CNBD1: variants seen among roughly 807,000 people sequenced by gnomAD.
CNBD1 encodes the protein cyclic nucleotide binding domain containing 1.
A neutral mutation model predicts 54.4 loss-of-function variants in CNBD1; 71 were observed. The ratio of observed to expected loss-of-function variants is 1.30; its 90% CI spans 1.08 to 1.59. The LOEUF (loss-of-function observed/expected upper bound fraction) is 1.59, where lower values mean the gene tolerates loss of function less well. Among genes scored for constraint, CNBD1 ranks in the 40% most tolerant of loss-of-function variants. CNBD1 has a pLI of 0.00. For missense variants in CNBD1, 659 were observed against 518.0 expected (o/e 1.27, Z -2.64); for synonymous variants, 182 against 170.7 (o/e 1.07, Z -0.51).
chr8:87,311,758 T>C (rs1809270825), intron 8 of CNBD1, among the ~76,000 whole-genome samples: 1 of 152,146 alleles, frequency 6.6e-6, no homozygotes, highest in Non-Finnish European at 1.5e-5. Context: ...TGAAATAGTA[T>C]GCAGCTATAA....
chr8:87,358,688 A>G (rs1033944319), intron 10 of CNBD1, among the ~76,000 whole-genome samples: 2 of 152,206 alleles, frequency 1.3e-5, no homozygotes, highest in East Asian at 3.9e-4. Context: ...CTGGAGAATC[A>G]GTAAAGCCAG....
intron 10 of CNBD1, among the ~76,000 whole-genome samples, chr8:87,373,697 AG>A (rs1292541145): frequency 6.6e-6 from 1 of 151,830 alleles, no homozygotes; most frequent in Non-Finnish European, 1.5e-5. Flanking sequence ...CAGGCCAAAA[AG>A]CCTAACTGGT....
Position 86,957,276 on chromosome 8 carries a change from G to A in CNBD1, c.431+17522G>A, listed in dbSNP as rs144183943. ...TGCATCGATGTTCATCAGGGATATT[G>A]ATCTAAAATTATGTTTTTTTTGTTG... On this transcript the variant is annotated intron_variant, in intron 4 of 10. Coordinates refer to ENST00000518476, the MANE Select transcript of CNBD1 (RefSeq NM_173538.3). Among the ~76,000 whole-genome samples the A allele has an allele frequency of 4.4e-3, 673 of 152,238 alleles. 5 individuals carry two copies. The highest frequency in any genetic ancestry group is 0.014 in the African/African-American group (600 of 41,534).
At chr8:87,009,005 A>G (rs1367661810) in intron 4 of CNBD1, among the ~76,000 whole-genome samples, 1 of 151,804 alleles carries the variant, frequency 6.6e-6, no homozygotes, top group African/African-American at 2.4e-5. Flanking sequence ...TCATATAACT[A>G]TTGGTTTTTT....
intron 5 of CNBD1, among the ~76,000 whole-genome samples, chr8:87,233,141 A>T (rs1373924648): frequency 6.6e-6 from 1 of 152,210 alleles, no homozygotes; most frequent in Non-Finnish European, 1.5e-5. Context: ...ACAAAATAAT[A>T]CGTTTAAAAT....
chr8:86,922,280 G>T (rs1809287300), intron 3 of CNBD1, among the ~76,000 whole-genome samples: 1 of 151,962 alleles, frequency 6.6e-6, no homozygotes, highest in Non-Finnish European at 1.5e-5. Context: ...TGTCAAGATG[G>T]GAGTGATGGC....
intron 8 of CNBD1, among the ~76,000 whole-genome samples, chr8:87,301,304 C>T (rs1320504372): frequency 1.3e-5 from 2 of 152,026 alleles, no homozygotes; most frequent in Non-Finnish European, 2.9e-5. Flanking sequence ...TGAAACAATA[C>T]CACAAGATAG....
intron 5 of CNBD1, among the ~76,000 whole-genome samples, chr8:87,226,788 G>A (rs905701137): frequency 6.6e-6 from 1 of 151,340 alleles, no homozygotes; most frequent in Admixed American, 6.6e-5. Context: ...CAATTCCTGG[G>A]TATCCTTGTT....
chr8:87,381,036 T>A (rs1811062446), intron 10 of CNBD1, among the ~76,000 whole-genome samples: 1 of 151,978 alleles, frequency 6.6e-6, no homozygotes, highest in Non-Finnish European at 1.5e-5. Flanking sequence ...AACAAACCAG[T>A]GAGACCACAT....
intron 4 of CNBD1, among the ~76,000 whole-genome samples, chr8:86,960,974 C>T (rs1313000844): frequency 6.6e-6 from 1 of 152,184 alleles, no homozygotes; most frequent in Non-Finnish European, 1.5e-5. Flanking sequence ...AAAGCCAAAG[C>T]AGTTTATGAC....
intron 8 of CNBD1, among the ~76,000 whole-genome samples, chr8:87,322,413 C>G (rs1237310083): frequency 8.4e-6 from 1 of 119,738 alleles, no homozygotes; most frequent in East Asian, 2.1e-4. Context: ...AGTTTACAGT[C>G]CCACCAACAG....
intron 4 of CNBD1, among the ~76,000 whole-genome samples, chr8:87,097,853 A>C (rs78275549): frequency 6.6e-6 from 1 of 152,192 alleles, no homozygotes; most frequent in Admixed American, 6.5e-5. Context: ...TAACTTCGTG[A>C]TCTGTCAGAT....
chr8:87,404,885 T>G (rs961263273), intron 2 of CNBD1, among the ~76,000 whole-genome samples: 1 of 152,078 alleles, frequency 6.6e-6, no homozygotes, highest in Admixed American at 6.6e-5. Context: ...CATTTTAAAA[T>G]GGCATCTTTG....
At chr8:87,428,634 A>G (rs1808090800) in intron 3 of CNBD1, 1 of 450,624 alleles carries the variant, frequency 2.2e-6, no homozygotes, top group East Asian at 7.0e-5. Flanking sequence ...TGTTCAAGTT[A>G]TAATAAATGT....
At chr8:87,033,422 G>A (rs186245177) in intron 4 of CNBD1, among the ~76,000 whole-genome samples, 197 of 152,194 alleles carry the variant, frequency 1.3e-3, no homozygotes, top group African/African-American at 4.3e-3. Context: ...TCTTGACTTC[G>A]GGGACAAGGT....
chr8:87,417,007 T>C (rs1807847934), intron 2 of CNBD1, among the ~76,000 whole-genome samples: 1 of 152,102 alleles, frequency 6.6e-6, no homozygotes, highest in African/African-American at 2.4e-5. Context: ...TATTTCATAG[T>C]AATATGAATC....
At chr8:86,873,196 G>T (rs1808466464) in intron 1 of CNBD1, among the ~76,000 whole-genome samples, 1 of 151,684 alleles carries the variant, frequency 6.6e-6, no homozygotes, top group South Asian at 2.1e-4. Context: ...CTGCCTCCCG[G>T]GTTCAAGAGA....
At chr8:87,299,436 CAT>C in intron 8 of CNBD1, among the ~76,000 whole-genome samples, 1 of 152,250 alleles carries the variant, frequency 6.6e-6, no homozygotes. Context: ...AAGAAATAGA[CAT>C]ATGGTTAAAA....
At chr8:86,872,735 G>C (rs1286961695) in intron 1 of CNBD1, among the ~76,000 whole-genome samples, 1 of 152,106 alleles carries the variant, frequency 6.6e-6, no homozygotes, top group African/African-American at 2.4e-5. Flanking sequence ...AAAAATGTCT[G>C]TTCAGGCCCT....
Sources: allele counts gnomAD v4.1 joint callset (sites outside exome capture counted in the v4.1 genomes callset), GRCh38; gene constraint gnomAD v4.1.1; transcripts MANE v1.5; gene names NCBI Gene and HGNC (gene_info 2026-07-23, HGNC 2026-07-21).